Variants in SGIP1 observed in about 807,000 individuals in gnomAD.
SGIP1 encodes the protein SH3GL interacting endocytic adaptor 1, also known as SH3-containing GRB2-like protein 3-interacting protein 1.
SGIP1 carries 38 observed loss-of-function variants against 107.5 expected under a neutral mutation model. The observed-to-expected ratio is 0.35, with a 90% confidence interval of 0.27 to 0.46. The LOEUF (loss-of-function observed/expected upper bound fraction) is 0.46. Ranked by LOEUF, SGIP1 falls within the 20% of genes least tolerant of loss-of-function variation. SGIP1 has a pLI of 1.00. For synonymous variants in SGIP1, 365 were observed against 366.1 expected (o/e 1.00, Z 0.03); for missense variants, 929 against 1,019.5 (o/e 0.91, Z 1.21).
rs1160229952 is a variant in SGIP1, at chr1:66,743,080, C to T, written c.2472C>T (p.Tyr824=). ...TGCTGTTTTGTTTTGCAGGAAAATA[C>T]TTGGCAGATAACTAATGAAATCTTA... The part of the protein sequence containing the change: ...LIKKRFAAGK[Y]LADN The change falls in exon 25 of 25, where the codon TAC becomes TAT. Residue 824 remains tyrosine, a synonymous_variant. Transcript: ENST00000371037. The T allele has an allele frequency of 6.2e-7, 1 of 1,613,498 alleles. No individual in the cohort carries two copies. Among genetic ancestry groups the T allele is most frequent in the East Asian group, 2.2e-5 (1 of 44,812 alleles).
Position 66,679,756 on chromosome 1 carries a change from C to A in SGIP1, c.814+4C>A, listed in dbSNP as rs200868062. 1.3e-6 allele frequency: 2 copies of A among 1,591,108 alleles called. No homozygotes were observed. Among genetic ancestry groups the A allele is most frequent in the African/African-American group, 1.4e-5 (1 of 73,236 alleles). On this transcript the variant is annotated splice_donor_region_variant and intron_variant, in intron 14 of 24. Coordinates refer to ENST00000371037, the MANE Select transcript of SGIP1 (RefSeq NM_032291.4). The stretch of plus-strand genomic sequence containing the variant: ...TCCCCCTTAACAATTGGACCAGGTA[C>A]GCTTTTGTTTTTTCAGTTCTGGGAT...
intron 1 of SGIP1, among the ~76,000 whole-genome samples, chr1:66,619,568 G>T (rs190041354): frequency 6.6e-6 from 1 of 152,344 alleles, no homozygotes; most frequent in Non-Finnish European, 1.5e-5. Flanking sequence ...TGTCTGCTAA[G>T]ATGCTGATAG....
At chr1:66,611,229 C>T (rs774628095) in intron 1 of SGIP1, among the ~76,000 whole-genome samples, 6 of 152,202 alleles carry the variant, frequency 3.9e-5, no homozygotes, top group Non-Finnish European at 5.9e-5. Flanking sequence ...GTCTTCATAG[C>T]TAACCTGTGA....
intron 1 of SGIP1, among the ~76,000 whole-genome samples, chr1:66,598,325 C>T (rs181860339): frequency 6.6e-6 from 1 of 152,284 alleles, no homozygotes; most frequent in African/African-American, 2.4e-5. Flanking sequence ...TGAGTACCTA[C>T]TGTGTTAGAG....
chr1:66,714,157 A>G (rs1265004561), intron 18 of SGIP1, among the ~76,000 whole-genome samples: 4 of 152,108 alleles, frequency 2.6e-5, no homozygotes, highest in African/African-American at 9.7e-5. Context: ...ATGCTATCCT[A>G]CTTGATGTTC....
At chr1:66,573,516 C>G (rs938415239) in intron 1 of SGIP1, among the ~76,000 whole-genome samples, 1 of 152,106 alleles carries the variant, frequency 6.6e-6, no homozygotes, top group Non-Finnish European at 1.5e-5. Flanking sequence ...CCTAAATGCC[C>G]ATCAGTGGTA....
At chr1:66,567,551 T>C (rs2059819199) in intron 1 of SGIP1, among the ~76,000 whole-genome samples, 2 of 152,206 alleles carry the variant, frequency 1.3e-5, no homozygotes, top group Admixed American at 1.3e-4. Flanking sequence ...CAATGGCTTT[T>C]GGCATTTTCA....
chr1:66,551,181 G>C (rs1006444985), intron 1 of SGIP1, among the ~76,000 whole-genome samples: 3 of 152,098 alleles, frequency 2.0e-5, no homozygotes, highest in African/African-American at 7.2e-5. Context: ...TTTTAAATCA[G>C]ATTGGTTTGT....
Position 66,566,767 on chromosome 1 carries a change from A to G in SGIP1, c.10+32399A>G, listed in dbSNP as rs192825083. On this transcript the variant is annotated intron_variant, in intron 1 of 24. Coordinates refer to ENST00000371037, the MANE Select transcript of SGIP1 (RefSeq NM_032291.4). ...GTGCAGTTTTGTTACATAGGTATACATGTGCCATGGTGATTTGCTGCACCC... is the reference window on the plus strand; with the variant it reads ...GTGCAGTTTTGTTACATAGGTATACGTGTGCCATGGTGATTTGCTGCACCC... 6.6e-5 allele frequency among the ~76,000 whole-genome samples: 10 copies of G among 152,100 alleles called. No individual in the cohort carries two copies. The East Asian group carries it at 1.9e-3, about 30-fold the overall frequency.
In SGIP1 at chr1:66,750,242, C is replaced by T. The variant is rs1388056775; in HGVS notation, c.*7147C>T. On this transcript the variant is annotated 3_prime_UTR_variant, in exon 25 of 25. Transcript: ENST00000371037. ...TAAGCTGTTTGAACACTATTGTTTT[C>T]GATTAAAAAGAGTTTTTGTTTGTTT... 6.6e-6 allele frequency among the ~76,000 whole-genome samples: 1 copy of T among 151,954 alleles called. No homozygotes were observed. Among genetic ancestry groups the T allele is most frequent in the Non-Finnish European group, 1.5e-5 (1 of 67,980 alleles).
At chr1:66,742,563 G>A (rs2094489854) in intron 24 of SGIP1, among the ~76,000 whole-genome samples, 1 of 135,926 alleles carries the variant, frequency 7.4e-6, no homozygotes, top group Admixed American at 8.1e-5. Context: ...TCCGCCTCTT[G>A]GGTTCATGCC....
rs368768888 is a variant in SGIP1, at chr1:66,676,998, T to A, written c.647-6T>A. 7.3e-5 allele frequency: 117 copies of A among 1,600,996 alleles called. No individual in the cohort carries two copies. Among genetic ancestry groups the A allele is most frequent in the Non-Finnish European group, 9.3e-5 (109 of 1,176,436 alleles). On this transcript the variant is annotated splice_polypyrimidine_tract_variant and splice_region_variant and intron_variant, in intron 12 of 24. Transcript: ENST00000371037. ...CACCCTGGGAAATCTTCTTTTTTGT[T>A]TCCAGTTCTTTTAGATCAGCCTGAG...
chr1:66,583,384 GC>G (rs2062086517), intron 1 of SGIP1, among the ~76,000 whole-genome samples: 1 of 151,992 alleles, frequency 6.6e-6, no homozygotes, highest in Non-Finnish European at 1.5e-5. Flanking sequence ...TGGGGAGTAG[GC>G]CCCAATAACT....
chr1:66,608,579 T>C (rs1326639843), intron 1 of SGIP1, among the ~76,000 whole-genome samples: 1 of 152,210 alleles, frequency 6.6e-6, no homozygotes, highest in East Asian at 1.9e-4. Flanking sequence ...GTTGTTCTGC[T>C]TCGGGCTGCT....
intron 1 of SGIP1, among the ~76,000 whole-genome samples, chr1:66,624,825 G>A (rs2149304053): frequency 6.6e-6 from 1 of 152,184 alleles, no homozygotes; most frequent in East Asian, 1.9e-4. Flanking sequence ...ACTAACAGAA[G>A]CACAAGGCAT....
intron 1 of SGIP1, among the ~76,000 whole-genome samples, chr1:66,598,157 G>C (rs1258761062): frequency 6.6e-6 from 1 of 152,146 alleles, no homozygotes; most frequent in African/African-American, 2.4e-5. Context: ...TGATTTGATA[G>C]TAAAGGGGTC....
intron 1 of SGIP1, among the ~76,000 whole-genome samples, chr1:66,596,512 A>G (rs1411227707): frequency 1.3e-5 from 2 of 152,168 alleles, no homozygotes; most frequent in East Asian, 1.9e-4. Context: ...AAGGGTCGGT[A>G]TATGTAAAAT....
intron 1 of SGIP1, among the ~76,000 whole-genome samples, chr1:66,571,427 A>G (rs1220305146): frequency 6.6e-6 from 1 of 152,058 alleles, no homozygotes; most frequent in East Asian, 1.9e-4. Context: ...AATGATGCCA[A>G]TAAAATATTT....
chr1:66,695,485 C>T lies in SGIP1; in HGVS notation c.1622C>T (p.Thr541Ile), dbSNP rs2090738285. ...TTTGACAGAGGAAAGTTTTATTTGA[C>T]TTTTGAAGGTAAGTAGTGCATAGCA... Reference protein sequence around the residue: ...VWFDRGKFYLTFEGSSRGPSP... With the variant: ...VWFDRGKFYLIFEGSSRGPSP... Residue 541 changes from threonine to isoleucine, a missense_variant, in exon 18 of 25, where the codon ACT becomes ATT. Transcript: ENST00000371037. 6.2e-7 allele frequency: 1 copy of T among 1,614,012 alleles called. No individual in the cohort carries two copies. Among genetic ancestry groups the T allele is most frequent in the Non-Finnish European group, 8.5e-7 (1 of 1,179,944 alleles).
Sources: allele counts gnomAD v4.1 joint callset (sites outside exome capture counted in the v4.1 genomes callset), GRCh38; gene constraint gnomAD v4.1.1; transcripts MANE v1.5; gene names NCBI Gene and HGNC (gene_info 2026-07-23, HGNC 2026-07-21).